CLASP2: variants seen among roughly 807,000 people sequenced by gnomAD.
CLASP2 encodes the protein cytoplasmic linker associated protein 2, also known as CLIP-associating protein 2.
A neutral mutation model predicts 194.4 loss-of-function variants in CLASP2; 47 were observed. The observed-to-expected ratio is 0.24, with a 90% CI of 0.19 to 0.31. The LOEUF (loss-of-function observed/expected upper bound fraction) is 0.31, where lower values mean the gene tolerates loss of function less well. Ranked by LOEUF, CLASP2 falls within the 10% of genes least tolerant of loss-of-function variation. The pLI, the probability that CLASP2 is intolerant of heterozygous loss-of-function variation, is 1.00. For missense variants in CLASP2, 1,445 were observed against 1,823.6 expected, an observed-to-expected ratio of 0.79 and a Z score of 3.78; for synonymous variants, 619 against 633.5, an observed-to-expected ratio of 0.98 and a Z score of 0.34.
chr3:33,568,553 C>CAAAAAAAAAAAAAAAAAA lies in CLASP2; in HGVS notation c.2764-1837_2764-1820dup, dbSNP rs568821764. On this transcript the variant is annotated intron_variant, in intron 26 of 38. Coordinates refer to ENST00000682230, the MANE Select transcript of CLASP2 (RefSeq NM_001365631.1). ...TGGGTGACAGAAAGAGATCTTGTCT[C>CAAAAAAAAAAAAAAAAAA]AAAAAAAAAAAAAAAAAAAAAATTA... Among the ~76,000 whole-genome samples the CAAAAAAAAAAAAAAAAAA allele has an allele frequency of 4.9e-3, 277 of 56,774 alleles. 14 individuals carry two copies. The highest frequency in any genetic ancestry group is 0.017 in the East Asian group (25 of 1,506). 37.2% of individuals were successfully genotyped at this position (56,774 alleles called of 152,430 possible).
At chr3:33,608,151 T>C (rs532068779) in intron 14 of CLASP2, among the ~76,000 whole-genome samples, 1 of 152,318 alleles carries the variant, frequency 6.6e-6, no homozygotes, top group South Asian at 2.1e-4. Flanking sequence ...CAATGACATC[T>C]GACAGCTGGT....
chr3:33,518,827 T>C (rs115015930), intron 34 of CLASP2, among the ~76,000 whole-genome samples: 1,623 of 152,290 alleles, frequency 0.011, 20 homozygotes, highest in Non-Finnish European at 0.017. Context: ...AATAATTTCT[T>C]CCAGAGAAAG....
intron 7 of CLASP2, among the ~76,000 whole-genome samples, chr3:33,657,780 T>C (rs2084549953): frequency 6.6e-6 from 1 of 152,202 alleles, no homozygotes; most frequent in African/African-American, 2.4e-5. Flanking sequence ...AAATTTTCTA[T>C]CAGATTTCCA....
intron 37 of CLASP2, among the ~76,000 whole-genome samples, chr3:33,506,079 T>C (rs1417604381): frequency 1.3e-5 from 2 of 151,728 alleles, no homozygotes; most frequent in East Asian, 3.9e-4. Context: ...ATACTTAGAA[T>C]TTGCTTTGAA....
intron 33 of CLASP2, among the ~76,000 whole-genome samples, chr3:33,536,188 C>T (rs1332687726): frequency 2.7e-5 from 4 of 149,868 alleles, no homozygotes; most frequent in Admixed American, 6.7e-5. Flanking sequence ...ATTGGGAATA[C>T]ATCAGTGAGC....
chr3:33,620,033 C>G (rs915134672), intron 11 of CLASP2, among the ~76,000 whole-genome samples: 4 of 152,184 alleles, frequency 2.6e-5, no homozygotes, highest in African/African-American at 9.7e-5. Flanking sequence ...GAGGACACAT[C>G]AGGTGAAATA....
At chr3:33,526,967 T>C (rs1038903633) in intron 34 of CLASP2, among the ~76,000 whole-genome samples, 1 of 152,200 alleles carries the variant, frequency 6.6e-6, no homozygotes, top group South Asian at 2.1e-4. Context: ...ATCTTTGAGA[T>C]ACAGCTATGG....
intron 19 of CLASP2, among the ~76,000 whole-genome samples, chr3:33,595,857 G>A (rs1255667350): frequency 6.6e-6 from 1 of 151,920 alleles, no homozygotes; most frequent in Non-Finnish European, 1.5e-5. Flanking sequence ...TAGAAAAGCA[G>A]ACACTAATAT....
At chr3:33,512,804 A>G (rs2050280428) in intron 36 of CLASP2, among the ~76,000 whole-genome samples, 1 of 151,768 alleles carries the variant, frequency 6.6e-6, no homozygotes, top group Admixed American at 6.6e-5. Flanking sequence ...CCTGGCTAAC[A>G]TGGTGAAACC....
chr3:33,511,716 A>ATGCTACTTTGGCAGTCTCTC (rs1310034735), intron 36 of CLASP2, among the ~76,000 whole-genome samples: 22 of 66,344 alleles, frequency 3.3e-4, no homozygotes, highest in South Asian at 9.2e-4. Context: ...GTAAAAATAA[A>ATGCTACTTTGGCAGTCTCTC]ACAAACAACC....
intron 8 of CLASP2, among the ~76,000 whole-genome samples, chr3:33,633,906 T>C (rs780788606): frequency 1.3e-5 from 2 of 152,168 alleles, no homozygotes; most frequent in Non-Finnish European, 2.9e-5. Flanking sequence ...CTAACTAACA[T>C]ATGTCTATTG....
chr3:33,496,650 C>G lies in CLASP2; in HGVS notation c.*1981G>C, dbSNP rs1001378035. 2 of 152,180 alleles carry G rather than the reference C, an allele frequency of 1.3e-5. No individual in the cohort carries two copies. Among genetic ancestry groups the G allele is most frequent in the Non-Finnish European group, 2.9e-5 (2 of 68,020 alleles). 9.4% of individuals were successfully genotyped at this position (152,180 alleles called of 1,614,324 possible). ...GTTAGTTACTGTTCAGCTTAAGTCA[C>G]TCTACTTGGTTGTCAACAGTAGTTA... On this transcript the variant is annotated 3_prime_UTR_variant, in exon 39 of 39. Coordinates refer to ENST00000682230, the MANE Select transcript of CLASP2 (RefSeq NM_001365631.1).
intron 6 of CLASP2, among the ~76,000 whole-genome samples, chr3:33,666,103 G>A (rs1166366575): frequency 1.3e-5 from 2 of 152,080 alleles, no homozygotes; most frequent in African/African-American, 4.8e-5. Context: ...CCAAAGTCCA[G>A]ACTTAAAAGT....
At chr3:33,625,496 A>T (rs2077855755) in intron 10 of CLASP2, among the ~76,000 whole-genome samples, 1 of 151,262 alleles carries the variant, frequency 6.6e-6, no homozygotes. Flanking sequence ...GTACTGAATG[A>T]GCACCATTTG....
At chr3:33,673,527 G>C (rs1192467371) in intron 6 of CLASP2, among the ~76,000 whole-genome samples, 4 of 152,202 alleles carry the variant, frequency 2.6e-5, no homozygotes, top group Admixed American at 2.6e-4. Context: ...GGAAGAAACT[G>C]CATCAACTAA....
At chr3:33,627,536 C>A (rs1294368108) in intron 9 of CLASP2, among the ~76,000 whole-genome samples, 1 of 152,072 alleles carries the variant, frequency 6.6e-6, no homozygotes, top group Admixed American at 6.6e-5. Flanking sequence ...TCCTCTGGAG[C>A]CAACCCTTTG....
At chr3:33,675,120 CAG>C (rs1465841153) in intron 6 of CLASP2, among the ~76,000 whole-genome samples, 1 of 152,142 alleles carries the variant, frequency 6.6e-6, no homozygotes, top group Non-Finnish European at 1.5e-5. Context: ...CAAAGCCGCG[CAG>C]AGACACAACC....
intron 6 of CLASP2, among the ~76,000 whole-genome samples, chr3:33,678,043 T>A (rs1037410179): frequency 1.3e-5 from 2 of 149,176 alleles, no homozygotes; most frequent in African/African-American, 4.9e-5. Flanking sequence ...GAAATCTCAA[T>A]AGAATTCTCC....
chr3:33,684,628 C>T (rs1278748890), intron 5 of CLASP2, among the ~76,000 whole-genome samples, 172 bp from the exon 6 acceptor site: 1 of 152,108 alleles, frequency 6.6e-6, no homozygotes, highest in Non-Finnish European at 1.5e-5. Flanking sequence ...CAAGATACTT[C>T]TAGAAAAAAC....
Sources: gnomAD v4.1 joint callset for allele counts (sites outside exome capture counted in the v4.1 genomes callset) on GRCh38, gnomAD v4.1.1 for gene constraint, MANE v1.5 for transcripts, NCBI Gene and HGNC (gene_info 2026-07-23, HGNC 2026-07-21) for gene names.